The following DLGAP2 variants were observed in gnomAD, a reference collection of about 807,000 sequenced individuals.
DLGAP2 encodes the protein disks large-associated protein 2.
Under a neutral mutation model 100.3 loss-of-function variants are expected in DLGAP2, and 26 were observed. That is an observed-to-expected ratio of 0.26 (90% CI 0.19 to 0.36). The LOEUF is 0.36. Among genes scored for constraint, DLGAP2 ranks in the 10% least tolerant of loss-of-function variants. The probability of loss-of-function intolerance (pLI) is 1.00; values close to 1 mark genes in which losing one functional copy is unlikely to be tolerated. For missense variants in DLGAP2, 1,858 were observed against 1,453.2 expected, an observed-to-expected ratio of 1.28 and a Z score of -4.53; for synonymous variants, 886 against 630.1, an observed-to-expected ratio of 1.41 and a Z score of -6.08.
chr8:1,371,745 C>T (rs1020351010), intron 3 of DLGAP2, among the ~76,000 whole-genome samples: 6 of 152,102 alleles, frequency 3.9e-5, no homozygotes, highest in Non-Finnish European at 7.4e-5. Flanking sequence ...CACATGTCAT[C>T]GCCACTTGAG....
chr8:1,209,201 C>T (rs548892076), intron 2 of DLGAP2, among the ~76,000 whole-genome samples: 2 of 152,120 alleles, frequency 1.3e-5, no homozygotes. Context: ...CAAAGCAAGA[C>T]TAAGCAAAAA....
chr8:1,295,293 T>C (rs1252461567), intron 3 of DLGAP2, among the ~76,000 whole-genome samples: 1 of 152,126 alleles, frequency 6.6e-6, no homozygotes, highest in African/African-American at 2.4e-5. Context: ...CACAGCACAT[T>C]TGCATATTGA....
At chr8:1,032,340 C>T (rs1021153719) in intron 2 of DLGAP2, among the ~76,000 whole-genome samples, 4 of 152,216 alleles carry the variant, frequency 2.6e-5, no homozygotes, top group Admixed American at 1.3e-4. Flanking sequence ...GGGACAGTGC[C>T]GTCTGCCTGC....
chr8:821,457 G>A (rs1347905371), intron 1 of DLGAP2, among the ~76,000 whole-genome samples: 3 of 152,130 alleles, frequency 2.0e-5, no homozygotes, highest in Admixed American at 6.6e-5. Context: ...CATTTCTGGC[G>A]GGGAATAATA....
At chr8:995,243 G>A (rs572017687) in intron 2 of DLGAP2, among the ~76,000 whole-genome samples, 1 of 152,284 alleles carries the variant, frequency 6.6e-6, no homozygotes, top group African/African-American at 2.4e-5. Context: ...GAGGAAGTGG[G>A]TGAGGTTGGA....
chr8:920,281 C>T (rs1798681212), intron 2 of DLGAP2, among the ~76,000 whole-genome samples: 1 of 152,236 alleles, frequency 6.6e-6, no homozygotes, highest in Non-Finnish European at 1.5e-5. Flanking sequence ...CCCAGCAGGA[C>T]AGCAGGTGTG....
At chr8:1,220,671 C>T (rs1205513502) in intron 2 of DLGAP2, among the ~76,000 whole-genome samples, 1 of 152,090 alleles carries the variant, frequency 6.6e-6, no homozygotes, top group East Asian at 1.9e-4. Context: ...TTTTCTACCT[C>T]AATTATCTGT....
intron 3 of DLGAP2, among the ~76,000 whole-genome samples, chr8:1,310,632 C>G (rs187919396): frequency 6.6e-6 from 1 of 152,108 alleles, no homozygotes. Context: ...AGACTAAAAT[C>G]ATAAAAAGTT....
chr8:1,258,768 T>C (rs1563046890), intron 2 of DLGAP2, 83 bp from the exon 3 acceptor site: 2 of 1,150,004 alleles, frequency 1.7e-6, no homozygotes, highest in Non-Finnish European at 2.2e-6. Flanking sequence ...AGTTGTAGTT[T>C]TGTTGTTGCT....
chr8:1,173,171 C>T (rs116267322), intron 2 of DLGAP2, among the ~76,000 whole-genome samples: 6,194 of 152,212 alleles, frequency 0.041, 196 homozygotes, highest in East Asian at 0.15. Context: ...GCCTGGGTAT[C>T]GGCAGCGGTG....
intron 2 of DLGAP2, among the ~76,000 whole-genome samples, chr8:1,233,898 G>A (rs1798589041): frequency 6.6e-6 from 1 of 152,154 alleles, no homozygotes; most frequent in Middle Eastern, 3.2e-3. Flanking sequence ...TGTATATGGA[G>A]GATAATAATT....
intron 3 of DLGAP2, among the ~76,000 whole-genome samples, chr8:1,284,584 A>G (rs1007777362): frequency 6.6e-6 from 1 of 152,158 alleles, no homozygotes; most frequent in African/African-American, 2.4e-5. Flanking sequence ...TCTTCTGTCC[A>G]TCACAACACA....
At chr8:1,634,738 A>G (rs1050649177) in intron 8 of DLGAP2, among the ~76,000 whole-genome samples, 12 of 152,198 alleles carry the variant, frequency 7.9e-5, no homozygotes, top group Non-Finnish European at 1.6e-4. Flanking sequence ...TGAAACAATC[A>G]TTACCTCGTA....
At chr8:1,690,882 G>A (rs1014059925) in intron 12 of DLGAP2, among the ~76,000 whole-genome samples, 4 of 152,042 alleles carry the variant, frequency 2.6e-5, no homozygotes, top group African/African-American at 7.2e-5. Context: ...GGTGAGTTTA[G>A]TAGCTGTGAG....
At chr8:973,367 C>T (rs1360780367) in intron 2 of DLGAP2, among the ~76,000 whole-genome samples, 2 of 151,560 alleles carry the variant, frequency 1.3e-5, no homozygotes, top group African/African-American at 4.9e-5. Context: ...GGGGTGGCTG[C>T]CGGGCGGAGG....
chr8:1,254,484 G>A (rs1324792582), intron 2 of DLGAP2, among the ~76,000 whole-genome samples: 1 of 152,032 alleles, frequency 6.6e-6, no homozygotes, highest in Non-Finnish European at 1.5e-5. Flanking sequence ...GGGCCTCCTC[G>A]GAGCCTCTAG....
chr8:1,230,671 C>T (rs752435105), intron 2 of DLGAP2, among the ~76,000 whole-genome samples: 3 of 152,056 alleles, frequency 2.0e-5, no homozygotes, highest in African/African-American at 7.2e-5. Context: ...CATAAACCAA[C>T]AGAACAGAAT....
At chr8:1,614,066 G>T (rs1304071902) in intron 6 of DLGAP2, among the ~76,000 whole-genome samples, 1 of 152,202 alleles carries the variant, frequency 6.6e-6, no homozygotes, top group Non-Finnish European at 1.5e-5. Context: ...GAAGAGCCAG[G>T]TGGGGGAGGC....
intron 1 of DLGAP2, among the ~76,000 whole-genome samples, chr8:865,494 GT>G (rs1563070317): frequency 6.6e-6 from 1 of 152,092 alleles, no homozygotes; most frequent in Non-Finnish European, 1.5e-5. Context: ...ATTCTGTGAT[GT>G]TCCCCGGGGC....
Sources: allele counts gnomAD v4.1 joint callset (sites outside exome capture counted in the v4.1 genomes callset), GRCh38; gene constraint gnomAD v4.1.1; transcripts MANE v1.5; gene names NCBI Gene and HGNC (gene_info 2026-07-23, HGNC 2026-07-21).